The following KCNN4 variants were observed in gnomAD, a reference collection of about 807,000 sequenced individuals.
KCNN4 encodes the protein intermediate conductance calcium-activated potassium channel protein 4.
Under a neutral mutation model 45.2 loss-of-function variants are expected in KCNN4, and 31 were observed. That is an observed-to-expected ratio of 0.69 (90% CI 0.52 to 0.92). The LOEUF (loss-of-function observed/expected upper bound fraction) is 0.92, where lower values mean the gene tolerates loss of function less well. Among genes scored for constraint, KCNN4 ranks in the 40% least tolerant of loss-of-function variants. KCNN4 has a pLI of 0.00. For synonymous variants in KCNN4, 231 were observed against 254.6 expected, an observed-to-expected ratio of 0.91 and a Z score of 0.88; for missense variants, 463 against 574.0, an observed-to-expected ratio of 0.81 and a Z score of 1.98.
At chr19:43,773,551 T>A (rs530236791) in intron 3 of KCNN4, among the ~76,000 whole-genome samples, 3 of 152,044 alleles carry the variant, frequency 2.0e-5, no homozygotes, top group South Asian at 2.1e-4. Flanking sequence ...GACCTGAGAG[T>A]TTTCATTTGC....
intron 1 of KCNN4, among the ~76,000 whole-genome samples, chr19:43,779,235 C>T (rs958650136): frequency 2.0e-5 from 3 of 152,152 alleles, no homozygotes; most frequent in African/African-American, 4.8e-5. Flanking sequence ...GGATGGACCC[C>T]GTCTCTTCCC....
At chr19:43,776,263 AGGCCT>A (rs1477379664) in intron 2 of KCNN4, among the ~76,000 whole-genome samples, 1 of 149,884 alleles carries the variant, frequency 6.7e-6, no homozygotes, top group Non-Finnish European at 1.5e-5. Flanking sequence ...GAGTGGACAG[AGGCCT>A]GGGGGCGGAA....
In KCNN4 at chr19:43,767,547, T is replaced by C. The variant is rs1168288524; in HGVS notation, c.1280A>G (p.Lys427Arg). ...AAGTCCCAGCCCCCTCACCAGCTAC[T>C]TGGACTGCTGGCTGGGTTCTGGAAG... ...RQLPEPSQQSK is the reference protein window; with the variant it reads ...RQLPEPSQQSR Residue 427 changes from lysine to arginine, a missense_variant, in exon 8 of 9, where the codon AAG becomes AGG. Lys to Arg is a conservative substitution (Grantham distance 26). This residue lies in a region of KCNN4 where 129 missense variants were observed against 149.4 expected (regional missense o/e 0.86). Transcript: ENST00000648319. The C allele has an allele frequency of 1.2e-6, 2 of 1,613,508 alleles. No individual in the cohort carries two copies. The highest frequency in any genetic ancestry group is 2.2e-5 in the South Asian group (2 of 91,042).
In KCNN4 at chr19:43,772,065, C is replaced by A; in HGVS notation, c.754G>T (p.Gly252Cys). 5 of 1,613,462 alleles carry A rather than the reference C, an allele frequency of 3.1e-6. No homozygotes were observed. The highest frequency in any genetic ancestry group is 4.2e-6 in the Non-Finnish European group (5 of 1,179,794). ...WLIPITFLTIGYGDVVPGTMW... is the reference protein window; with the variant it reads ...WLIPITFLTICYGDVVPGTMW... ...GTGCCCGGCACCACGTCACCATAGC[C>A]GATGGTCAGGAATGTGATGGGGATC... The change falls in exon 4 of 9, where the codon GGC becomes TGC. Residue 252 changes from glycine to cysteine, a missense_variant. Physicochemically the swap from Gly to Cys is radical, Grantham distance 159. Transcript: ENST00000648319. The surrounding 1 kb of genome is among the most constrained non-coding windows in gnomAD (Gnocchi z 4.4).
At position 43,772,451 on chromosome 19, in the gene KCNN4, C is replaced by T. The variant is rs536248194; in HGVS notation, c.684-316G>A. 1.3e-5 allele frequency among the ~76,000 whole-genome samples: 2 copies of T among 152,022 alleles called. No homozygotes were observed. The highest frequency in any genetic ancestry group is 2.9e-5 in the Non-Finnish European group (2 of 68,018). ...ACCCGGGCTGCTGTAGCATTCAGAGCGTGTGGTTGAGGGTGGAGAGTCGAT... is the reference window on the plus strand; with the variant it reads ...ACCCGGGCTGCTGTAGCATTCAGAGTGTGTGGTTGAGGGTGGAGAGTCGAT... On this transcript the variant is annotated intron_variant, in intron 3 of 8. Transcript: ENST00000648319. This position sits in a 1 kb window ranked among gnomAD's most constrained non-coding sequence, Gnocchi z 4.4.
Position 43,774,600 on chromosome 19 carries a change from C to A in KCNN4, c.275G>T (p.Gly92Val), listed in dbSNP as rs1969743911. ...CAGCGCCACGCGCCAGTCCCGCAGCCCGTTGTCGGTCATGAACAGCTGCCG... is the reference window on the plus strand; with the variant it reads ...CAGCGCCACGCGCCAGTCCCGCAGCACGTTGTCGGTCATGAACAGCTGCCG... ...KEVQLFMTDN[G>V]LRDWRVALTG... Residue 92 changes from glycine (G) to valine (V), a missense_variant, in exon 3 of 9, where the codon GGG becomes GTG. By Grantham distance (109) the Gly-to-Val change is moderately radical. This residue lies in a region of KCNN4 where 225 missense variants were observed against 240.9 expected (regional missense o/e 0.93). Coordinates refer to ENST00000648319, the MANE Select transcript of KCNN4 (RefSeq NM_002250.3). This position sits in a 1 kb window ranked among gnomAD's most constrained non-coding sequence, Gnocchi z 5.6. 6.6e-7 allele frequency: 1 copy of A among 1,511,990 alleles called. No homozygotes were observed. The highest frequency in any genetic ancestry group is 8.8e-7 in the Non-Finnish European group (1 of 1,140,130). The allele number at this position is 1,511,990 out of a possible 1,614,324, so 93.7% of individuals were successfully genotyped here. A position where few individuals can be genotyped will look rare whatever the true frequency, so the allele number is the denominator to read the frequency against.
chr19:43,777,057 CT>C (rs1490607067), intron 1 of KCNN4, among the ~76,000 whole-genome samples: 1 of 152,128 alleles, frequency 6.6e-6, no homozygotes, highest in East Asian at 1.9e-4. Context: ...GCACTCCAGC[CT>C]GGGCAACAGA....
In KCNN4 at chr19:43,774,685, G is replaced by A. The variant is rs1043429287; in HGVS notation, c.256-66C>T. On this transcript the variant is annotated intron_variant, in intron 2 of 8. Transcript: ENST00000648319. The surrounding 1 kb of genome is among the most constrained non-coding windows in gnomAD (Gnocchi z 5.6). The stretch of plus-strand genomic sequence containing the variant: ...TCAGGCGCAGGTCAGGCGGCGGCCC[G>A]CGCCTGCCTGCGCCCTGAGATAAGT... 2.2e-6 allele frequency: 3 copies of A among 1,337,908 alleles called. No homozygotes were observed. Among genetic ancestry groups the A allele is most frequent in the Admixed American group, 3.1e-5 (1 of 31,954 alleles). 82.9% of individuals were successfully genotyped at this position (1,337,908 alleles called of 1,614,324 possible).
At chr19:43,768,714 A>T (rs73565099) in intron 7 of KCNN4, among the ~76,000 whole-genome samples, 365 of 152,100 alleles carry the variant, frequency 2.4e-3, no homozygotes, top group African/African-American at 7.9e-3. Context: ...GATAATTTGA[A>T]ACCAAACACT....
intron 2 of KCNN4, among the ~76,000 whole-genome samples, chr19:43,775,384 G>A (rs1209406268): frequency 1.3e-5 from 2 of 152,142 alleles, no homozygotes; most frequent in Admixed American, 1.3e-4. Context: ...CCGTGGATAC[G>A]CCAGGTACTG....
intron 2 of KCNN4, among the ~76,000 whole-genome samples, chr19:43,776,323 G>A (rs746513722): frequency 4.0e-5 from 6 of 151,762 alleles, no homozygotes; most frequent in East Asian, 1.9e-4. Context: ...TGTGCAAGGG[G>A]GGGCTGGGGA....
chr19:43,768,446 G>A (rs865962211), intron 7 of KCNN4, among the ~76,000 whole-genome samples: 20 of 152,352 alleles, frequency 1.3e-4, no homozygotes, highest in African/African-American at 4.1e-4. Flanking sequence ...AGAAGAAGGG[G>A]GCGGGTAGCT....
In KCNN4 at chr19:43,780,869, G is replaced by A. The variant is rs200699031; in HGVS notation, c.-8C>T. ...CACCAGATCCCCGCCCATGGCCCCC[G>A]GGGTCTTGGGGCTCAGCCAGCTTCC... On this transcript the variant is annotated 5_prime_UTR_variant, in exon 1 of 9. Coordinates refer to ENST00000648319, the MANE Select transcript of KCNN4 (RefSeq NM_002250.3). The A allele has an allele frequency of 2.0e-5, 32 of 1,613,144 alleles. 1 individual carries two copies. Among genetic ancestry groups the A allele is most frequent in the Middle Eastern group, 3.3e-4 (2 of 6,072 alleles).
At chr19:43,779,731 T>C (rs1317066116) in intron 1 of KCNN4, among the ~76,000 whole-genome samples, 1 of 152,028 alleles carries the variant, frequency 6.6e-6, no homozygotes, top group Admixed American at 6.6e-5. Context: ...CCACTCATCT[T>C]CGGAGTCAGC....
intron 1 of KCNN4, among the ~76,000 whole-genome samples, chr19:43,779,638 T>C (rs2146471257): frequency 6.6e-6 from 1 of 152,158 alleles, no homozygotes; most frequent in Middle Eastern, 3.4e-3. Context: ...ATCTGCCCCA[T>C]CACTGGCCTG....
intron 7 of KCNN4, among the ~76,000 whole-genome samples, chr19:43,768,193 CACCT>C (rs1969536336): frequency 1.3e-5 from 2 of 152,180 alleles, no homozygotes; most frequent in Non-Finnish European, 2.9e-5. Flanking sequence ...CAGAAATTAC[CACCT>C]GCCAATTCCT....
At position 43,778,461 on chromosome 19, in the gene KCNN4, G is replaced by A. The variant is rs377005988; in HGVS notation, c.160-1825C>T. ...TCACTGTGTTAGCCAGGATGGTCTC[G>A]ATGTCCTGACCTTGTGATCCGCCCA... On this transcript the variant is annotated intron_variant, in intron 1 of 8. Coordinates refer to ENST00000648319, the MANE Select transcript of KCNN4 (RefSeq NM_002250.3). Among the ~76,000 whole-genome samples the A allele has an allele frequency of 3.9e-4, 60 of 152,094 alleles. 1 individual carries two copies. In the East Asian group the frequency reaches 8.5e-3, roughly 22 times the overall value.
chr19:43,769,920 TC>T lies in KCNN4; in HGVS notation c.820-92del. The T allele has an allele frequency of 1.2e-6, 1 of 804,600 alleles. No individual in the cohort carries two copies. The highest frequency in any genetic ancestry group is 2.1e-6 in the Non-Finnish European group (1 of 486,470). 49.8% of individuals were successfully genotyped at this position (804,600 alleles called of 1,614,324 possible). A position where few individuals can be genotyped will look rare whatever the true frequency, so the allele number is the denominator to read the frequency against. ...CAGCCACAGACGGTAGGCACGACCA[TC>T]CCCAGTTAGCAGACAAGCAAAGAGG... On this transcript the variant is annotated intron_variant, in intron 4 of 8. Coordinates refer to ENST00000648319, the MANE Select transcript of KCNN4 (RefSeq NM_002250.3). The surrounding 1 kb of genome is among the most constrained non-coding windows in gnomAD (Gnocchi z 4.4).
rs991431807 is a variant in KCNN4 at position 43,767,701 on chromosome 19, T to C, written c.1126A>G (p.Met376Val). Reference sequence around the variant, plus strand: ...TTCTGCTGCAGGTCATACAGGATCATGTGCATCTGGGTGGGAGGAGAGGAT... The same window carrying C: ...TTCTGCTGCAGGTCATACAGGATCACGTGCATCTGGGTGGGAGGAGAGGAT... ...NSMVDISKMH[M>V]ILYDLQQNLS... Residue 376 changes from methionine (M) to valine (V), a missense_variant, in exon 8 of 9, where the codon ATG becomes GTG. Met to Val is a conservative substitution (Grantham distance 21, BLOSUM62 1). This residue lies in a region of KCNN4 where 129 missense variants were observed against 149.4 expected (regional missense o/e 0.86). Transcript: ENST00000648319. 3 of 1,614,154 alleles carry C rather than the reference T, an allele frequency of 1.9e-6. No homozygotes were observed. The highest frequency in any genetic ancestry group is 1.3e-5 in the African/African-American group (1 of 75,042).
Sources: gnomAD v4.1 joint callset for allele counts (sites outside exome capture counted in the v4.1 genomes callset) on GRCh38, gnomAD v4.1.1 for gene constraint, gnomAD v4.1.1 regional missense constraint, Gnocchi (gnomAD v3.1) non-coding constraint, MANE v1.5 for transcripts, NCBI Gene and HGNC (gene_info 2026-07-23, HGNC 2026-07-21) for gene names.